The following PCDHA8 variants were observed in gnomAD, a reference collection of about 807,000 sequenced individuals.
PCDHA8 encodes the protein protocadherin alpha-8.
A neutral mutation model predicts 61.8 loss-of-function variants in PCDHA8; 53 were observed. The ratio of observed to expected loss-of-function variants is 0.86; its 90% CI spans 0.69 to 1.08. The LOEUF (loss-of-function observed/expected upper bound fraction) is 1.08, where lower values mean the gene tolerates loss of function less well. PCDHA8 is among the 50% of genes least tolerant of loss of function. PCDHA8 has a pLI of 0.00. For missense variants in PCDHA8, 1,293 were observed against 1,245.0 expected (o/e 1.04, Z -0.58); for synonymous variants, 618 against 556.6 (o/e 1.11, Z -1.55).
intron 1 of PCDHA8, among the ~76,000 whole-genome samples, chr5:140,977,970 A>G (rs531494024): frequency 2.0e-5 from 3 of 152,332 alleles, no homozygotes; most frequent in South Asian, 4.1e-4. Context: ...ATCTCCGCCC[A>G]TGAAAACGCA....
At chr5:140,960,400 G>T (rs566510688) in intron 1 of PCDHA8, among the ~76,000 whole-genome samples, 4 of 152,114 alleles carry the variant, frequency 2.6e-5, no homozygotes, top group African/African-American at 9.6e-5. Context: ...ATGCAAGGGG[G>T]GGTGCCCAAA....
intron 1 of PCDHA8, chr5:140,857,132 G>C: frequency 6.3e-7 from 1 of 1,598,262 alleles, no homozygotes; most frequent in Non-Finnish European, 8.6e-7. Flanking sequence ...GAAAGAAGAT[G>C]CTCAAGTGGG....
At chr5:140,983,178 A>G (rs1302819191) in intron 3 of PCDHA8, among the ~76,000 whole-genome samples, 2 of 152,158 alleles carry the variant, frequency 1.3e-5, no homozygotes, top group Admixed American at 6.5e-5. Context: ...CCGCCTCACA[A>G]TTTCTTAGTT....
chr5:140,918,115 A>T (rs185486488), intron 1 of PCDHA8, among the ~76,000 whole-genome samples: 1 of 152,080 alleles, frequency 6.6e-6, no homozygotes, highest in East Asian at 1.9e-4. Context: ...CACATCCTTG[A>T]TTAGCCATAT....
chr5:140,960,713 ATCTTATTTTAGT>A (rs2095563566), intron 1 of PCDHA8, among the ~76,000 whole-genome samples: 3 of 150,862 alleles, frequency 2.0e-5, no homozygotes, highest in Non-Finnish European at 4.4e-5. Flanking sequence ...CCAAATACTC[ATCTTATTTTAGT>A]CCATGATTTT....
At chr5:140,888,487 A>G (rs2061843954) in intron 1 of PCDHA8, among the ~76,000 whole-genome samples, 1 of 152,162 alleles carries the variant, frequency 6.6e-6, no homozygotes, top group Admixed American at 6.5e-5. Context: ...CTGTTGAGAA[A>G]CTCTGCTTTA....
At chr5:140,850,678 C>T in intron 1 of PCDHA8, 1 of 1,598,606 alleles carries the variant, frequency 6.3e-7, no homozygotes, top group Non-Finnish European at 8.6e-7. Flanking sequence ...GCGATGCCCA[C>T]CGAGGGCGAG....
intron 1 of PCDHA8, chr5:140,927,842 T>A (rs201721848): frequency 1.9e-6 from 3 of 1,614,140 alleles, no homozygotes; most frequent in Admixed American, 1.7e-5. Context: ...GACGAAGGTG[T>A]CTTTGGTTTA....
At chr5:140,870,441 C>T in intron 1 of PCDHA8, 2 of 1,614,224 alleles carry the variant, frequency 1.2e-6, no homozygotes, top group South Asian at 1.1e-5. Context: ...AGGTGGCCGA[C>T]GTGAACGACA....
intron 1 of PCDHA8, among the ~76,000 whole-genome samples, chr5:140,949,914 C>T (rs941651578): frequency 1.3e-5 from 2 of 151,190 alleles, no homozygotes; most frequent in African/African-American, 4.8e-5. Context: ...TTAGATATAA[C>T]TATTTTTAGA....
chr5:140,889,403 C>T (rs1246037388), intron 1 of PCDHA8, among the ~76,000 whole-genome samples: 1 of 151,882 alleles, frequency 6.6e-6, no homozygotes, highest in Non-Finnish European at 1.5e-5. Flanking sequence ...TTAATTTACT[C>T]GAGTCAGTTA....
intron 1 of PCDHA8, chr5:140,929,480 G>T: frequency 8.4e-7 from 1 of 1,195,420 alleles, no homozygotes; most frequent in Non-Finnish European, 1.1e-6. Flanking sequence ...TGGAAGTATA[G>T]AAGTATTAGA....
intron 1 of PCDHA8, among the ~76,000 whole-genome samples, chr5:140,946,992 A>T (rs1393633852): frequency 1.3e-5 from 2 of 151,908 alleles, no homozygotes; most frequent in East Asian, 3.9e-4. Context: ...TGAGTGTTCT[A>T]ACTTCAAAGA....
intron 1 of PCDHA8, chr5:140,968,033 G>A (rs1554230222): frequency 6.2e-7 from 1 of 1,614,074 alleles, no homozygotes; most frequent in African/African-American, 1.3e-5. Context: ...TACACTGGTG[G>A]TGAGCGGCCC....
chr5:141,005,142 T>C (rs1554259898), intron 3 of PCDHA8, among the ~76,000 whole-genome samples: 1 of 152,234 alleles, frequency 6.6e-6, no homozygotes, highest in African/African-American at 2.4e-5. Flanking sequence ...ATTGGAGAGT[T>C]GTTTGGTCTG....
chr5:140,873,571 TGTTTAA>T (rs141288581), intron 1 of PCDHA8, among the ~76,000 whole-genome samples: 18,659 of 152,254 alleles, frequency 0.12, 1,208 homozygotes, highest in Middle Eastern at 0.19. Flanking sequence ...CTAGTTTGGT[TGTTTAA>T]GTATTAAGCT....
chr5:140,919,709 G>T (rs782509447), intron 1 of PCDHA8, among the ~76,000 whole-genome samples: 5 of 152,076 alleles, frequency 3.3e-5, no homozygotes, highest in Non-Finnish European at 7.4e-5. Context: ...CTTAATTCTA[G>T]TGAGATATAA....
intron 2 of PCDHA8, among the ~76,000 whole-genome samples, chr5:140,979,611 C>T (rs549836811): frequency 5.9e-5 from 9 of 152,266 alleles, no homozygotes; most frequent in South Asian, 2.1e-4. Flanking sequence ...CCTAGAGTAA[C>T]GGTATTAGTC....
intron 1 of PCDHA8, chr5:140,876,114 A>G: frequency 2.5e-6 from 4 of 1,613,960 alleles, no homozygotes; most frequent in Non-Finnish European, 3.4e-6. Context: ...TGCTGATGGT[A>G]ATCGATGGCG....
Sources: allele counts gnomAD v4.1 joint callset (sites outside exome capture counted in the v4.1 genomes callset), GRCh38; gene constraint gnomAD v4.1.1; transcripts MANE v1.5; gene names NCBI Gene and HGNC (gene_info 2026-07-23, HGNC 2026-07-21).